PISD: variants seen among roughly 807,000 people sequenced by gnomAD.
PISD encodes phosphatidylserine decarboxylase.
Under a neutral mutation model 43.5 loss-of-function variants are expected in PISD, and 31 were observed. That is an observed-to-expected ratio of 0.71 (90% CI 0.54 to 0.96). The LOEUF is 0.96. Ranked by LOEUF, PISD falls within the 40% of genes least tolerant of loss-of-function variation. The pLI is 0.00. For synonymous variants in PISD, 259 were observed against 228.7 expected (o/e 1.13, Z -1.20); for missense variants, 523 against 548.4 (o/e 0.95, Z 0.46).
chr22:31,642,453 T>C lies in PISD; in HGVS notation c.321+5648A>G, dbSNP rs2073761644. ...CTGGGCAACACAGCAAGAGCCTGCC[T>C]CAAAAAAGAAAAACAAAAAACAAAC... On this transcript the variant is annotated intron_variant, in intron 3 of 7. Coordinates refer to ENST00000439502, the MANE Select transcript of PISD (RefSeq NM_001326411.2). 2.7e-5 allele frequency among the ~76,000 whole-genome samples: 4 copies of C among 150,218 alleles called. No individual in the cohort carries two copies. The South Asian group carries it at 6.3e-4, about 24-fold the overall frequency.
chr22:31,620,622 T>G lies in PISD; in HGVS notation c.936A>C (p.Lys312Asn). The change falls in exon 7 of 8, where the codon AAA becomes AAC. Residue 312 changes from lysine (K) to asparagine (N), a missense_variant. Coordinates refer to ENST00000439502, the MANE Select transcript of PISD (RefSeq NM_001326411.2). ...CAGCTGTCAGTGAGAAGAAGCCATG[T>G]TTCCAGTCCCCCGTCAGGACCACCC... ...NERVVLTGDWKHGFFSLTAVG... is the reference protein window; with the variant it reads ...NERVVLTGDWNHGFFSLTAVG... 6.2e-7 allele frequency: 1 copy of G among 1,614,226 alleles called. No homozygotes were observed. The highest frequency in any genetic ancestry group is 1.1e-5 in the South Asian group (1 of 91,088).
intron 3 of PISD, among the ~76,000 whole-genome samples, chr22:31,627,406 A>C (rs1170813127): frequency 6.6e-6 from 1 of 152,244 alleles, no homozygotes; most frequent in African/African-American, 2.4e-5. Context: ...CCCAGTGTCC[A>C]GGCCTCCAGG....
At chr22:31,658,855 CT>C (rs112877920) in intron 1 of PISD, among the ~76,000 whole-genome samples, 422 of 118,568 alleles carry the variant, frequency 3.6e-3, no homozygotes, top group East Asian at 0.027. Context: ...TTTTCTTTTT[CT>C]TTTTTTTTTT....
chr22:31,640,612 G>T (rs1421153243), intron 3 of PISD, among the ~76,000 whole-genome samples: 4 of 110,284 alleles, frequency 3.6e-5, no homozygotes, highest in Non-Finnish European at 1.7e-5. Flanking sequence ...ACGGAGTCTC[G>T]CTCTGTCAAC....
In PISD at chr22:31,633,161, C is replaced by T. The variant is rs575960768; in HGVS notation, c.322-11276G>A. ...AACTGGAAAGACCCTGGAAGACCATCCTGGCCTCCTCAAAGCCTCTAGTAC... is the reference window on the plus strand; with the variant it reads ...AACTGGAAAGACCCTGGAAGACCATTCTGGCCTCCTCAAAGCCTCTAGTAC... On this transcript the variant is annotated intron_variant, in intron 3 of 7. Transcript: ENST00000439502. Among the ~76,000 whole-genome samples, 175 of 152,380 alleles carry T rather than the reference C, an allele frequency of 1.1e-3. 1 individual carries two copies. Among genetic ancestry groups the T allele is most frequent in the Non-Finnish European group, 2.2e-3 (153 of 68,030 alleles).
chr22:31,621,023 T>C lies in PISD; in HGVS notation c.817A>G (p.Thr273Ala). The C allele has an allele frequency of 1.2e-6, 2 of 1,613,682 alleles. No homozygotes were observed. Among genetic ancestry groups the C allele is most frequent in the Non-Finnish European group, 1.7e-6 (2 of 1,179,802 alleles). The change falls in exon 6 of 8, where the codon ACT (threonine) becomes GCT (alanine). Residue 273 changes from threonine to alanine, a missense_variant. Transcript: ENST00000439502. ...GGGAAGTGGCGCCGGTGGGACACAG[T>C]CCAGTCGGTGGGGGAGTGGAAGCAG... The part of the protein sequence containing the change: ...YHCFHSPTDW[T>A]VSHRRHFPGS...
intron 3 of PISD, among the ~76,000 whole-genome samples, chr22:31,626,573 C>T (rs2072920835): frequency 6.6e-6 from 1 of 152,210 alleles, no homozygotes; most frequent in African/African-American, 2.4e-5. Flanking sequence ...TGCTCCAGGC[C>T]TCCTCAGAAG....
chr22:31,643,033 C>T (rs905378919), intron 3 of PISD, among the ~76,000 whole-genome samples: 18 of 148,324 alleles, frequency 1.2e-4, no homozygotes, highest in African/African-American at 3.5e-4. Context: ...ACCCGGGAGG[C>T]GGAAGTTGCA....
At chr22:31,634,856 T>TAGAAAA (rs1192851578) in intron 3 of PISD, among the ~76,000 whole-genome samples, 2 of 85,380 alleles carry the variant, frequency 2.3e-5, no homozygotes, top group African/African-American at 4.3e-5. Flanking sequence ...AAAAAAAAAA[T>TAGAAAA]AGAAAAAGAA....
In PISD at chr22:31,625,776, G is replaced by A. The variant is rs150507882; in HGVS notation, c.322-3891C>T. 2.1e-5 allele frequency: 33 copies of A among 1,595,184 alleles called. No homozygotes were observed. In the Middle Eastern group the frequency reaches 6.6e-4, roughly 32 times the overall value. Reference sequence around the variant, plus strand: ...GCAGCATCTCACCATTTCGCCGCGCGGAGCTCTGGTCCTTGCCGCGCCTCT... The same window carrying A: ...GCAGCATCTCACCATTTCGCCGCGCAGAGCTCTGGTCCTTGCCGCGCCTCT... On this transcript the variant is annotated intron_variant, in intron 3 of 7. Transcript: ENST00000439502.
In PISD at chr22:31,661,538, G is replaced by A. The variant is rs2074317305; in HGVS notation, c.65+606C>T. ...CCGGGCTCTGCTACAAACTGGCTAG[G>A]TGAACTTGAGCAAATCCCTCCCTCT... On this transcript the variant is annotated intron_variant, in intron 1 of 7. Transcript: ENST00000439502. 2.0e-5 allele frequency among the ~76,000 whole-genome samples: 3 copies of A among 152,076 alleles called. No individual in the cohort carries two copies. The South Asian group carries it at 6.2e-4, about 32-fold the overall frequency.
chr22:31,629,365 AG>A (rs2073080030), intron 3 of PISD: 1 of 228,370 alleles, frequency 4.4e-6, no homozygotes, highest in Admixed American at 6.8e-5. Flanking sequence ...GGGTGTGTGT[AG>A]GGGGTGTGTA....
In PISD at chr22:31,630,643, G is replaced by C; in HGVS notation, c.322-8758C>G. ...CCTTGTCCGCGGGGCTCCTCAGGCC[G>C]GGGCCGCGTCGTCACAGCTGGGAGA... On this transcript the variant is annotated intron_variant, in intron 3 of 7. Coordinates refer to ENST00000439502, the MANE Select transcript of PISD (RefSeq NM_001326411.2). This position sits in a 1 kb window ranked among gnomAD's most constrained non-coding sequence, Gnocchi z 4.4. 2 of 837,618 alleles carry C rather than the reference G, an allele frequency of 2.4e-6. No individual in the cohort carries two copies. Among genetic ancestry groups the C allele is most frequent in the South Asian group, 5.4e-5 (1 of 18,478 alleles). The allele number at this position is 837,618 out of a possible 1,614,324, so 51.9% of individuals were successfully genotyped here.
At chr22:31,658,331 A>T (rs972478357) in intron 1 of PISD, among the ~76,000 whole-genome samples, 1 of 152,186 alleles carries the variant, frequency 6.6e-6, no homozygotes. Flanking sequence ...TTTCTTAACT[A>T]ATCTTAAGCC....
chr22:31,650,763 C>T lies in PISD; in HGVS notation c.81G>A (p.Glu27=), dbSNP rs750940336. ...APWRSSLHPC[E]ITALSQSLQP... ...GTAGGGATTGGCTCAGGGCAGTGAT[C>T]TCACAGGGATGGAGGCTATAACCAA... is the stretch of plus-strand genomic sequence containing the variant. The change falls in exon 2 of 8, where the codon GAG becomes GAA. Residue 27 remains glutamate (E), a synonymous_variant. Coordinates refer to ENST00000439502, the MANE Select transcript of PISD (RefSeq NM_001326411.2). The T allele has an allele frequency of 4.2e-5, 65 of 1,552,876 alleles. No homozygotes were observed. The highest frequency in any genetic ancestry group is 5.6e-5 in the Non-Finnish European group (64 of 1,147,702).
At chr22:31,636,761 C>G (rs947523267) in intron 3 of PISD, among the ~76,000 whole-genome samples, 3 of 151,942 alleles carry the variant, frequency 2.0e-5, no homozygotes, top group African/African-American at 7.3e-5. Flanking sequence ...CCAGGATGGT[C>G]TCGATCTCCT....
chr22:31,637,353 ACT>A (rs112628523), intron 3 of PISD, among the ~76,000 whole-genome samples: 3,875 of 149,430 alleles, frequency 0.026, 151 homozygotes, highest in African/African-American at 0.089. Flanking sequence ...ACAGAGCAAG[ACT>A]CTCTCAAAAA....
chr22:31,656,952 C>T (rs891994819), intron 1 of PISD, among the ~76,000 whole-genome samples: 3 of 152,114 alleles, frequency 2.0e-5, no homozygotes, highest in Non-Finnish European at 4.4e-5. Flanking sequence ...CCCTCTTGAA[C>T]ACTAACTTCT....
intron 3 of PISD, among the ~76,000 whole-genome samples, chr22:31,644,442 TG>T (rs1175175368): frequency 6.6e-6 from 1 of 151,920 alleles, no homozygotes; most frequent in East Asian, 2.0e-4. Context: ...GGTTTCACCA[TG>T]TTAACCAGGA....
Sources: gnomAD v4.1 joint callset for allele counts (sites outside exome capture counted in the v4.1 genomes callset) on GRCh38, gnomAD v4.1.1 for gene constraint, Gnocchi (gnomAD v3.1) non-coding constraint, MANE v1.5 for transcripts, NCBI Gene and HGNC (gene_info 2026-07-23, HGNC 2026-07-21) for gene names.